The following PPP1R3A variants were observed in gnomAD, a reference collection of about 807,000 sequenced individuals.
PPP1R3A encodes the protein protein phosphatase 1 regulatory subunit 3A.
PPP1R3A carries 29 observed loss-of-function variants against 41.7 expected under a neutral mutation model. The observed-to-expected ratio is 0.70, with a 90% CI of 0.52 to 0.95. PPP1R3A has a LOEUF of 0.95. PPP1R3A is among the 40% of genes least tolerant of loss of function. PPP1R3A has a pLI of 0.00. For missense variants in PPP1R3A, 1,352 were observed against 1,292.4 expected (o/e 1.05, Z -0.71); for synonymous variants, 485 against 453.4 (o/e 1.07, Z -0.89).
chr7:113,903,902 A>T (rs946265765), intron 1 of PPP1R3A, among the ~76,000 whole-genome samples: 2 of 151,710 alleles, frequency 1.3e-5, no homozygotes, highest in African/African-American at 4.8e-5. Flanking sequence ...TTTATACTGT[A>T]TGTAAATGTT....
At position 113,877,908 on chromosome 7, in the gene PPP1R3A, G is replaced by T. The variant is rs199888601; in HGVS notation, c.3184C>A (p.Gln1062Lys). The T allele has an allele frequency of 1.9e-5, 30 of 1,613,144 alleles. No individual in the cohort carries two copies. Among genetic ancestry groups the T allele is most frequent in the Admixed American group, 1.8e-4 (11 of 59,910 alleles). The change falls in exon 4 of 4, where the codon CAA becomes AAA. Residue 1062 changes from glutamine (Q) to lysine (K), a missense_variant. Gln to Lys is a moderately conservative substitution (Grantham distance 53, BLOSUM62 1). Transcript: ENST00000284601. ...TSLPVEESQA[Q>K]GNESLFSKYT... Reference sequence around the variant, plus strand: ...TTTGAAAACAAAGATTCGTTGCCTTGAGCTTGACTTTCCTCAACAGGAAGA... The same window carrying T: ...TTTGAAAACAAAGATTCGTTGCCTTTAGCTTGACTTTCCTCAACAGGAAGA...
intron 1 of PPP1R3A, among the ~76,000 whole-genome samples, chr7:113,891,197 TAATC>T (rs951047702): frequency 1.3e-5 from 2 of 151,392 alleles, no homozygotes; most frequent in Admixed American, 6.6e-5. Context: ...TCAAGATACT[TAATC>T]AACCTCTCTG....
intron 1 of PPP1R3A, among the ~76,000 whole-genome samples, chr7:113,917,446 C>T (rs1797358912): frequency 6.6e-6 from 1 of 152,040 alleles, no homozygotes; most frequent in Non-Finnish European, 1.5e-5. Flanking sequence ...TTATTTTTCA[C>T]ATTAACAAGA....
chr7:113,901,716 G>A (rs1258056265), intron 1 of PPP1R3A, among the ~76,000 whole-genome samples: 3 of 151,690 alleles, frequency 2.0e-5, no homozygotes, highest in Admixed American at 6.6e-5. Flanking sequence ...CGTGTGGCAG[G>A]ACATAGTAGA....
At chr7:113,913,023 G>A (rs1797277462) in intron 1 of PPP1R3A, among the ~76,000 whole-genome samples, 1 of 152,028 alleles carries the variant, frequency 6.6e-6, no homozygotes. Context: ...GAAACTTGAA[G>A]CCAGTTGGCA....
chr7:113,891,957 G>A (rs1796898775), intron 1 of PPP1R3A, among the ~76,000 whole-genome samples: 1 of 152,028 alleles, frequency 6.6e-6, no homozygotes, highest in Non-Finnish European at 1.5e-5. Flanking sequence ...TCTGCTCTAA[G>A]AGGAATGAAA....
At chr7:113,901,264 A>T (rs1797056984) in intron 1 of PPP1R3A, among the ~76,000 whole-genome samples, 1 of 151,722 alleles carries the variant, frequency 6.6e-6, no homozygotes, top group Admixed American at 6.6e-5. Flanking sequence ...ACCCAATGAA[A>T]ATAGACGGCG....
chr7:113,915,263 A>T (rs909869431), intron 1 of PPP1R3A, among the ~76,000 whole-genome samples: 3 of 152,042 alleles, frequency 2.0e-5, no homozygotes, highest in African/African-American at 7.2e-5. Flanking sequence ...TAGAGAAAAC[A>T]TAATGCCTGG....
chr7:113,885,882 AAT>A (rs1312926309), intron 1 of PPP1R3A, among the ~76,000 whole-genome samples: 4 of 148,418 alleles, frequency 2.7e-5, no homozygotes, highest in Non-Finnish European at 3.0e-5. Flanking sequence ...ATATTATATA[AAT>A]ATGTTAAATA....
chr7:113,879,638 A>C lies in PPP1R3A; in HGVS notation c.1454T>G (p.Leu485Ter). 1 of 1,613,244 alleles carries C rather than the reference A, an allele frequency of 6.2e-7. No individual in the cohort carries two copies. The highest frequency in any genetic ancestry group is 8.5e-7 in the Non-Finnish European group (1 of 1,179,660). The change falls in exon 4 of 4, where the codon TTA becomes TGA. Residue 485 changes from leucine to a stop codon, truncating the protein, a stop_gained. Transcript: ENST00000284601. LOFTEE classifies it low-confidence loss of function (END_TRUNC). The part of the protein sequence containing the change: ...KNIEVKDLGC[L>*]RRDFHSDTSA... Reference sequence around the variant, plus strand: ...CGTATCTGAATGGAAATCTCTTCGTAAACATCCCAAATCTTTTACTTCAAT... The same window carrying C: ...CGTATCTGAATGGAAATCTCTTCGTCAACATCCCAAATCTTTTACTTCAAT...
Position 113,879,505 on chromosome 7 carries a change from T to C in PPP1R3A, c.1587A>G (p.Lys529=), listed in dbSNP as rs751505064. 3 of 1,613,072 alleles carry C rather than the reference T, an allele frequency of 1.9e-6. No individual in the cohort carries two copies. The highest frequency in any genetic ancestry group is 2.2e-5 in the East Asian group (1 of 44,836). ...EQRIYLGVNE[K]QRKNFQTILH... is the part of the protein sequence containing the mutation. The stretch of plus-strand genomic sequence containing the variant: ...AGATTGTTTGGAAATTTTTTCTTTG[T>C]TTTTCATTAACACCTAAATATATTC... Residue 529 remains lysine, a synonymous_variant, in exon 4 of 4, where the codon AAA becomes AAG. Transcript: ENST00000284601.
chr7:113,879,346 A>G lies in PPP1R3A; in HGVS notation c.1746T>C (p.Ser582=). 9 of 1,613,638 alleles carry G rather than the reference A, an allele frequency of 5.6e-6. No homozygotes were observed. The highest frequency in any genetic ancestry group is 7.6e-6 in the Non-Finnish European group (9 of 1,179,746). ...IPTRAITADV[S]HSPRTNLSWE... is the part of the protein sequence containing the mutation. ...AACTTAAATTTGTCCTTGGTGAATG[A>G]GACACATCTGCTGTGATTGCCCGGG... Residue 582 remains serine (S), a synonymous_variant, in exon 4 of 4, where the codon TCT becomes TCC. Coordinates refer to ENST00000284601, the MANE Select transcript of PPP1R3A (RefSeq NM_002711.4).
intron 1 of PPP1R3A, among the ~76,000 whole-genome samples, chr7:113,894,290 C>T (rs1302025411): frequency 6.6e-6 from 1 of 151,946 alleles, no homozygotes; most frequent in Non-Finnish European, 1.5e-5. Flanking sequence ...GCCCAAAGAA[C>T]TCCATTACAA....
At chr7:113,900,287 C>T (rs78800035) in intron 1 of PPP1R3A, among the ~76,000 whole-genome samples, 2,334 of 151,444 alleles carry the variant, frequency 0.015, 19 homozygotes, top group Non-Finnish European at 0.025. Context: ...CAATCAGAGT[C>T]GAGAGGTGAA....
At chr7:113,891,136 T>A (rs1796880397) in intron 1 of PPP1R3A, among the ~76,000 whole-genome samples, 1 of 146,866 alleles carries the variant, frequency 6.8e-6, no homozygotes, top group Admixed American at 6.8e-5. Flanking sequence ...AATCTCAGTA[T>A]TTCCGGTTAC....
Position 113,877,682 on chromosome 7 carries a change from T to C in PPP1R3A, c.*41A>G. On this transcript the variant is annotated 3_prime_UTR_variant, in exon 4 of 4. Coordinates refer to ENST00000284601, the MANE Select transcript of PPP1R3A (RefSeq NM_002711.4). ...CATTCACCAATCCAAATGTTTGGGG[T>C]TAAATAGCTTATCTTTTAAGAGAGA... 6.6e-7 allele frequency: 1 copy of C among 1,511,104 alleles called. No homozygotes were observed. The highest frequency in any genetic ancestry group is 8.8e-7 in the Non-Finnish European group (1 of 1,130,176). 93.6% of individuals were successfully genotyped at this position (1,511,104 alleles called of 1,614,324 possible). A position where few individuals can be genotyped will look rare whatever the true frequency, so the allele number is the denominator to read the frequency against.
At position 113,878,488 on chromosome 7, in the gene PPP1R3A, C is replaced by T; in HGVS notation, c.2604G>A (p.Met868Ile). Residue 868 changes from methionine (M) to isoleucine (I), a missense_variant, in exon 4 of 4, where the codon ATG (methionine) becomes ATA (isoleucine). Physicochemically the swap from Met to Ile is conservative, Grantham distance 10. Transcript: ENST00000284601. ...ATSKLDLQLG[M>I]LPTDKTVFSE... ...AAAATACAGTTTTGTCTGTTGGTAA[C>T]ATTCCCAACTGTAAATCCAGTTTTG... is the stretch of plus-strand genomic sequence containing the variant. The T allele has an allele frequency of 6.2e-7, 1 of 1,613,230 alleles. No individual in the cohort carries two copies. Among genetic ancestry groups the T allele is most frequent in the South Asian group, 1.1e-5 (1 of 91,068 alleles).
At chr7:113,899,396 C>A (rs1056730539) in intron 1 of PPP1R3A, among the ~76,000 whole-genome samples, 3 of 151,732 alleles carry the variant, frequency 2.0e-5, no homozygotes, top group Non-Finnish European at 4.4e-5. Flanking sequence ...TGTCCCAAGT[C>A]ATCACTGAGG....
intron 1 of PPP1R3A, among the ~76,000 whole-genome samples, chr7:113,899,157 T>G (rs2129117988): frequency 6.6e-6 from 1 of 151,846 alleles, no homozygotes; most frequent in Admixed American, 6.6e-5. Context: ...TACTTAAAAA[T>G]TCTCCCTTAA....
Sources: allele counts gnomAD v4.1 joint callset (sites outside exome capture counted in the v4.1 genomes callset), GRCh38; gene constraint gnomAD v4.1.1; transcripts MANE v1.5; gene names NCBI Gene and HGNC (gene_info 2026-07-23, HGNC 2026-07-21).